Variants in SMYD3 observed in about 807,000 individuals in gnomAD.
SMYD3 encodes histone-lysine N-methyltransferase SMYD3.
SMYD3 carries 36 observed loss-of-function variants against 57.7 expected under a neutral mutation model. The observed-to-expected ratio is 0.62, with a 90% CI of 0.48 to 0.82. SMYD3 has a LOEUF of 0.82. Among genes scored for constraint, SMYD3 ranks in the 40% least tolerant of loss-of-function variants. SMYD3 has a pLI of 0.00. For missense variants in SMYD3, 515 were observed against 538.8 expected, an observed-to-expected ratio of 0.96 and a Z score of 0.44; for synonymous variants, 211 against 195.0, an observed-to-expected ratio of 1.08 and a Z score of -0.68.
chr1:246,374,492 T>G (rs1237490074), intron 1 of SMYD3, among the ~76,000 whole-genome samples: 1 of 152,162 alleles, frequency 6.6e-6, no homozygotes, highest in Non-Finnish European at 1.5e-5. Flanking sequence ...TTTTCTCATT[T>G]TTCTCGATTT....
chr1:246,197,210 T>A (rs765473459), intron 5 of SMYD3, among the ~76,000 whole-genome samples: 1 of 152,154 alleles, frequency 6.6e-6, no homozygotes. Context: ...ATAATTTACA[T>A]ATTAAATACT....
At chr1:246,335,238 A>C (rs2065522971) in intron 3 of SMYD3, 129 bp downstream of exon 3, 1 of 787,696 alleles carries the variant, frequency 1.3e-6, no homozygotes, top group Non-Finnish European at 2.0e-6. Flanking sequence ...GACTCATTTT[A>C]TTGCAATATT....
intron 10 of SMYD3, among the ~76,000 whole-genome samples, chr1:245,823,706 A>G (rs1428011741): frequency 6.6e-6 from 1 of 152,226 alleles, no homozygotes; most frequent in Non-Finnish European, 1.5e-5. Context: ...GAAGCCTTTA[A>G]GTAGAGATTT....
intron 1 of SMYD3, among the ~76,000 whole-genome samples, chr1:246,475,800 G>A (rs1031999210): frequency 2.5e-4 from 38 of 152,102 alleles, no homozygotes; most frequent in African/African-American, 8.9e-4. Context: ...ATTTTTGGTA[G>A]AGACAGGGTT....
intron 5 of SMYD3, among the ~76,000 whole-genome samples, chr1:246,216,637 C>T (rs1314262641): frequency 2.0e-5 from 3 of 151,788 alleles, no homozygotes; most frequent in Admixed American, 6.6e-5. Flanking sequence ...TATTCCTTCA[C>T]CTTTTCTGCA....
At chr1:246,395,445 T>G (rs951489735) in intron 1 of SMYD3, among the ~76,000 whole-genome samples, 9 of 152,262 alleles carry the variant, frequency 5.9e-5, no homozygotes, top group Non-Finnish European at 1.2e-4. Flanking sequence ...ACAAATTGAT[T>G]CTTTTCAAAG....
chr1:245,852,689 C>G (rs1451323109), intron 10 of SMYD3, among the ~76,000 whole-genome samples: 1 of 152,168 alleles, frequency 6.6e-6, no homozygotes, highest in Non-Finnish European at 1.5e-5. Context: ...ATTTTCCCCT[C>G]TTTCACCTCC....
intron 3 of SMYD3, among the ~76,000 whole-genome samples, chr1:246,334,675 C>G (rs1159956007): frequency 6.6e-6 from 1 of 152,132 alleles, no homozygotes; most frequent in Non-Finnish European, 1.5e-5. Flanking sequence ...ATGCAATATA[C>G]CCATGTAACA....
intron 5 of SMYD3, among the ~76,000 whole-genome samples, chr1:246,094,539 A>G (rs1271671710): frequency 1.3e-5 from 2 of 152,162 alleles, no homozygotes; most frequent in Admixed American, 6.5e-5. Flanking sequence ...GATCTTCCAG[A>G]GAGCATGTCC....
intron 5 of SMYD3, among the ~76,000 whole-genome samples, chr1:246,084,825 C>G (rs2060697692): frequency 6.6e-6 from 1 of 152,158 alleles, no homozygotes; most frequent in Non-Finnish European, 1.5e-5. Context: ...CTTCAGCAGG[C>G]TGATTACTGA....
At chr1:246,333,664 A>G (rs773072719) in intron 3 of SMYD3, among the ~76,000 whole-genome samples, 3 of 152,110 alleles carry the variant, frequency 2.0e-5, no homozygotes, top group Admixed American at 6.5e-5. Context: ...TCTTGAGCCC[A>G]GGAGTTTGAG....
intron 1 of SMYD3, among the ~76,000 whole-genome samples, chr1:246,433,166 C>T (rs1021252107): frequency 1.1e-4 from 17 of 152,066 alleles, no homozygotes; most frequent in African/African-American, 2.2e-4. Context: ...ATTTCTATAC[C>T]CCTATAACAT....
At chr1:245,931,488 G>A (rs1361248461) in intron 5 of SMYD3, among the ~76,000 whole-genome samples, 3 of 152,146 alleles carry the variant, frequency 2.0e-5, no homozygotes, top group Non-Finnish European at 4.4e-5. Context: ...TGGTTACAGG[G>A]AGTTGAGAGC....
At chr1:246,146,453 T>C (rs73141354) in intron 5 of SMYD3, among the ~76,000 whole-genome samples, 1,542 of 152,254 alleles carry the variant, frequency 0.01, 22 homozygotes, top group African/African-American at 0.035. Flanking sequence ...GAGACCTCTG[T>C]CCAAACAAAC....
intron 5 of SMYD3, among the ~76,000 whole-genome samples, chr1:246,060,301 A>G (rs2060228804): frequency 6.6e-6 from 1 of 150,878 alleles, no homozygotes; most frequent in South Asian, 2.1e-4. Flanking sequence ...ATAAAAATAA[A>G]GGTTGCGTTT....
chr1:246,210,715 A>G (rs1471924054), intron 5 of SMYD3, among the ~76,000 whole-genome samples: 1 of 151,970 alleles, frequency 6.6e-6, no homozygotes, highest in Non-Finnish European at 1.5e-5. Context: ...AAAAAAAAAA[A>G]ACAAAAACAA....
chr1:246,071,500 T>A (rs2060442885), intron 5 of SMYD3, among the ~76,000 whole-genome samples: 1 of 152,204 alleles, frequency 6.6e-6, no homozygotes, highest in Non-Finnish European at 1.5e-5. Context: ...TCACAAGTAG[T>A]GATTACTGAG....
At chr1:246,274,409 C>T (rs1335360675) in intron 5 of SMYD3, among the ~76,000 whole-genome samples, 190 of 152,302 alleles carry the variant, frequency 1.2e-3, no homozygotes, top group Non-Finnish European at 1.6e-4. Context: ...ATAAAAAACA[C>T]TGATGTCAGC....
intron 5 of SMYD3, among the ~76,000 whole-genome samples, chr1:246,262,692 T>A (rs926141765): frequency 3.9e-5 from 6 of 152,132 alleles, no homozygotes; most frequent in Admixed American, 1.3e-4. Flanking sequence ...AGTACCTAGG[T>A]CATATTAGGT....
Sources: gnomAD v4.1 joint callset for allele counts (sites outside exome capture counted in the v4.1 genomes callset) on GRCh38, gnomAD v4.1.1 for gene constraint, MANE v1.5 for transcripts, NCBI Gene and HGNC (gene_info 2026-07-23, HGNC 2026-07-21) for gene names.